PXDNL: variants seen among roughly 807,000 people sequenced by gnomAD.
PXDNL encodes the protein peroxidasin like.
PXDNL carries 145 observed loss-of-function variants against 150.8 expected under a neutral mutation model. The ratio of observed to expected loss-of-function variants is 0.96; its 90% CI spans 0.84 to 1.10. The LOEUF (loss-of-function observed/expected upper bound fraction) is 1.10, where lower values mean the gene tolerates loss of function less well. Among genes scored for constraint, PXDNL ranks in the 50% least tolerant of loss-of-function variants. PXDNL has a pLI of 0.00. For missense variants in PXDNL, 2,087 were observed against 1,873.9 expected (o/e 1.11, Z -2.10); for synonymous variants, 757 against 725.7 (o/e 1.04, Z -0.69).
chr8:51,802,534 G>A (rs185780258), intron 1 of PXDNL, among the ~76,000 whole-genome samples: 23 of 152,274 alleles, frequency 1.5e-4, no homozygotes, highest in African/African-American at 5.3e-4. Context: ...TGTGGCCCAA[G>A]ACAATTCTTC....
At chr8:51,732,963 AG>A (rs905370019) in intron 1 of PXDNL, among the ~76,000 whole-genome samples, 1 of 152,168 alleles carries the variant, frequency 6.6e-6, no homozygotes, top group African/African-American at 2.4e-5. Context: ...GGATCCCAGG[AG>A]GGTTTCAACA....
At chr8:51,368,899 G>A (rs1480085839) in intron 19 of PXDNL, among the ~76,000 whole-genome samples, 2 of 152,100 alleles carry the variant, frequency 1.3e-5, no homozygotes, top group East Asian at 1.9e-4. Flanking sequence ...AGGAGGCTGA[G>A]GCAGGAGAAT....
intron 2 of PXDNL, among the ~76,000 whole-genome samples, chr8:51,634,651 C>A (rs1814566740): frequency 6.6e-6 from 1 of 152,046 alleles, no homozygotes; most frequent in African/African-American, 2.4e-5. Flanking sequence ...TCTATGATTT[C>A]TTTCAGCAGT....
chr8:51,623,093 T>G (rs1465040049), intron 2 of PXDNL, among the ~76,000 whole-genome samples: 1 of 152,254 alleles, frequency 6.6e-6, no homozygotes, highest in Non-Finnish European at 1.5e-5. Context: ...ATTTCAATTT[T>G]CAGTTTTTGT....
At chr8:51,615,466 TAATC>T (rs1814111977) in intron 2 of PXDNL, among the ~76,000 whole-genome samples, 1 of 152,186 alleles carries the variant, frequency 6.6e-6, no homozygotes, top group Non-Finnish European at 1.5e-5. Context: ...ATTTCAGAAT[TAATC>T]AAAGCAAAAT....
At chr8:51,559,373 A>T (rs1322657059) in intron 3 of PXDNL, among the ~76,000 whole-genome samples, 1 of 125,528 alleles carries the variant, frequency 8.0e-6, no homozygotes. Flanking sequence ...TAATTTTATG[A>T]AGTTTATAGG....
intron 15 of PXDNL, among the ~76,000 whole-genome samples, chr8:51,412,657 T>C (rs1462935914): frequency 1.3e-5 from 2 of 152,246 alleles, no homozygotes; most frequent in Non-Finnish European, 1.5e-5. Context: ...TTTTTGTTAA[T>C]GCATCCTGAT....
intron 17 of PXDNL, among the ~76,000 whole-genome samples, chr8:51,396,295 G>A (rs540104857): frequency 6.6e-6 from 1 of 152,370 alleles, no homozygotes; most frequent in East Asian, 1.9e-4. Flanking sequence ...TCTGGCTGCA[G>A]GAACCATATG....
chr8:51,377,964 G>A (rs1308539440), intron 17 of PXDNL, among the ~76,000 whole-genome samples: 2 of 152,252 alleles, frequency 1.3e-5, no homozygotes, highest in Admixed American at 1.3e-4. Flanking sequence ...GTATCCACTG[G>A]GTGAAGCCAG....
chr8:51,663,881 G>A (rs1480525082), intron 1 of PXDNL, among the ~76,000 whole-genome samples: 1 of 151,842 alleles, frequency 6.6e-6, no homozygotes, highest in East Asian at 1.9e-4. Context: ...GTGAAACCCC[G>A]TTTCTACTAA....
At chr8:51,397,577 A>G (rs1438985869) in intron 17 of PXDNL, among the ~76,000 whole-genome samples, 2 of 152,308 alleles carry the variant, frequency 1.3e-5, no homozygotes, top group East Asian at 1.9e-4. Flanking sequence ...GCACACATAA[A>G]TAGTTGCAAT....
intron 4 of PXDNL, among the ~76,000 whole-genome samples, chr8:51,549,002 G>A (rs970766282): frequency 1.3e-5 from 2 of 152,094 alleles, no homozygotes; most frequent in African/African-American, 4.8e-5. Flanking sequence ...CATGCAAATG[G>A]AAACCAAAAG....
chr8:51,650,936 T>C (rs185571563), intron 2 of PXDNL, among the ~76,000 whole-genome samples: 10 of 152,244 alleles, frequency 6.6e-5, no homozygotes, highest in African/African-American at 2.2e-4. Context: ...TGTATACAGA[T>C]TGGAAAGGAA....
intron 1 of PXDNL, among the ~76,000 whole-genome samples, chr8:51,766,515 C>A (rs1330874215): frequency 1.4e-5 from 2 of 144,704 alleles, no homozygotes; most frequent in African/African-American, 5.8e-5. Context: ...TCTCATAGAG[C>A]AGGTCTGCTA....
intron 5 of PXDNL, among the ~76,000 whole-genome samples, chr8:51,491,184 A>G (rs7845948): frequency 0.96 from 145,823 of 152,218 alleles, 70,171 homozygotes; most frequent in East Asian, 1. Flanking sequence ...TGGCTTCCTT[A>G]CTCCTCAGCT....
At chr8:51,444,144 T>C (rs1809617263) in intron 12 of PXDNL, among the ~76,000 whole-genome samples, 1 of 152,214 alleles carries the variant, frequency 6.6e-6, no homozygotes, top group African/African-American at 2.4e-5. Flanking sequence ...TAAAATTACT[T>C]TTCTTTTTTA....
In PXDNL at chr8:51,574,832, G is replaced by A. The variant is rs144379390; in HGVS notation, c.308+17795C>T. ...CTAAAGTACTCTTCAGGAATAAAGGGTAAACCAAGACATTCTCAGATGAGG... is the reference window on the plus strand; with the variant it reads ...CTAAAGTACTCTTCAGGAATAAAGGATAAACCAAGACATTCTCAGATGAGG... On this transcript the variant is annotated intron_variant, in intron 3 of 22. Coordinates refer to ENST00000356297, the MANE Select transcript of PXDNL (RefSeq NM_144651.5). Among the ~76,000 whole-genome samples the A allele has an allele frequency of 9.1e-3, 1,377 of 152,048 alleles. 10 individuals are homozygous for A. Among genetic ancestry groups the A allele is most frequent in the Non-Finnish European group, 0.015 (1,047 of 67,944 alleles).
In PXDNL at chr8:51,413,208, C is replaced by G. The variant is rs187785224; in HGVS notation, c.1846G>C (p.Asp616His). Reference protein sequence around the residue: ...GDDFVESSILDAVQRVDSAIN... With the variant: ...GDDFVESSILHAVQRVDSAIN... ...GCACTGTCAACTCTCTGTACAGCAT[C>G]AAGAATGGAAGATTCAACAAAGTCA... The change falls in exon 15 of 23, where the codon GAT (aspartate) becomes CAT (histidine). Residue 616 changes from aspartate to histidine, a missense_variant. By Grantham distance (81) the Asp-to-His change is moderately conservative. Coordinates refer to ENST00000356297, the MANE Select transcript of PXDNL (RefSeq NM_144651.5). 3 of 1,612,828 alleles carry G rather than the reference C, an allele frequency of 1.9e-6. No individual in the cohort carries two copies. The African/African-American group carries it at 4.0e-5, about 21-fold the overall frequency.
chr8:51,361,492 T>A (rs961494495), intron 19 of PXDNL, among the ~76,000 whole-genome samples: 2 of 152,206 alleles, frequency 1.3e-5, no homozygotes, highest in African/African-American at 4.8e-5. Flanking sequence ...AGATCCTTAG[T>A]TTCTAAAGAA....
Sources: gnomAD v4.1 joint callset for allele counts (sites outside exome capture counted in the v4.1 genomes callset) on GRCh38, gnomAD v4.1.1 for gene constraint, MANE v1.5 for transcripts, NCBI Gene and HGNC (gene_info 2026-07-23, HGNC 2026-07-21) for gene names.